HECW2: variants seen among roughly 807,000 people sequenced by gnomAD.
The protein encoded by HECW2 is HECT, C2 and WW domain containing E3 ubiquitin protein ligase 2.
A neutral mutation model predicts 175.2 loss-of-function variants in HECW2; 61 were observed. The ratio of observed to expected loss-of-function variants is 0.35; its 90% CI spans 0.28 to 0.43. HECW2 has a LOEUF of 0.43. HECW2 is among the 20% of genes least tolerant of loss of function. The pLI, the probability that HECW2 is intolerant of heterozygous loss-of-function variation, is 1.00. For synonymous variants in HECW2, 671 were observed against 731.0 expected, an observed-to-expected ratio of 0.92 and a Z score of 1.32; for missense variants, 1,524 against 2,000.5, an observed-to-expected ratio of 0.76 and a Z score of 4.54.
intron 1 of HECW2, among the ~76,000 whole-genome samples, chr2:196,564,280 T>C (rs1559177796): frequency 1.3e-5 from 2 of 152,256 alleles, no homozygotes; most frequent in East Asian, 1.9e-4. Context: ...TTAAGAGGCA[T>C]GACAATCAAA....
chr2:196,562,178 G>C (rs1690023979), intron 1 of HECW2, among the ~76,000 whole-genome samples: 1 of 152,138 alleles, frequency 6.6e-6, no homozygotes, highest in South Asian at 2.1e-4. Flanking sequence ...TGAATTGGTG[G>C]AATAAATGTC....
rs1686778316 is a variant in HECW2, at chr2:196,199,164, C to T, written c.*2113G>A. On this transcript the variant is annotated 3_prime_UTR_variant, in exon 29 of 29. Transcript: ENST00000644978. ...TTGGAGAATGCCAGCCCTGAAACAT[C>T]TTGTATACCATCAAATATGTGACTT... 6.6e-6 allele frequency: 1 copy of T among 152,396 alleles called. No individual in the cohort carries two copies. Among genetic ancestry groups the T allele is most frequent in the African/African-American group, 2.4e-5 (1 of 41,348 alleles). 9.4% of individuals were successfully genotyped at this position (152,396 alleles called of 1,614,324 possible).
In HECW2 at chr2:196,404,899, G is replaced by A. The variant is rs867313985; in HGVS notation, c.292+28233C>T. On this transcript the variant is annotated intron_variant, in intron 2 of 28. Coordinates refer to ENST00000644978, the MANE Select transcript of HECW2 (RefSeq NM_001348768.2). ...GAGTGCAGTGGTGCAATCTCGGCTC[G>A]CTGCAAGCTCTGCCTCCCAGGTTCA... Among the ~76,000 whole-genome samples the A allele has an allele frequency of 3.7e-4, 50 of 133,866 alleles. 1 individual carries two copies. Among genetic ancestry groups the A allele is most frequent in the Non-Finnish European group, 9.2e-5 (6 of 65,496 alleles). The allele number at this position is 133,866 out of a possible 152,430, so 87.8% of individuals were successfully genotyped here.
chr2:196,220,655 GA>G, intron 25 of HECW2, 139 bp downstream of exon 25: 1 of 887,716 alleles, frequency 1.1e-6, no homozygotes, highest in Non-Finnish European at 1.8e-6. Context: ...AAACATAAGG[GA>G]AAAAATACTG....
intron 1 of HECW2, among the ~76,000 whole-genome samples, chr2:196,448,851 AGGAACC>A (rs1262869870): frequency 2.0e-5 from 3 of 152,332 alleles, no homozygotes; most frequent in Admixed American, 2.0e-4. Flanking sequence ...CTCTGCTGCT[AGGAACC>A]CTTCCAGAGT....
intron 1 of HECW2, among the ~76,000 whole-genome samples, chr2:196,453,854 A>G (rs1696420803): frequency 6.6e-6 from 1 of 152,138 alleles, no homozygotes; most frequent in Non-Finnish European, 1.5e-5. Context: ...AACTTCAAAA[A>G]CAAAATTGTG....
intron 27 of HECW2, 83 bp from the exon 28 acceptor site, chr2:196,216,060 C>T: frequency 1.1e-6 from 1 of 909,578 alleles, no homozygotes; most frequent in Non-Finnish European, 1.8e-6. Flanking sequence ...ACGGGCAGAG[C>T]TCCTGAGGAA....
intron 18 of HECW2, among the ~76,000 whole-genome samples, chr2:196,255,099 A>T (rs1356961007): frequency 7.0e-6 from 1 of 143,312 alleles, no homozygotes; most frequent in East Asian, 2.1e-4. Context: ...CAGCCTCTTG[A>T]GTAGCTGGGA....
In HECW2 at chr2:196,484,360, T is replaced by C. The variant is rs143460958; in HGVS notation, c.-35-50902A>G. On this transcript the variant is annotated intron_variant, in intron 1 of 28. Coordinates refer to ENST00000644978, the MANE Select transcript of HECW2 (RefSeq NM_001348768.2). The stretch of plus-strand genomic sequence containing the variant: ...CCATATACTGCACACTCATTAAGTG[T>C]TCAAAACTTAAGGTTTTTCTTTAGA... 6.5e-3 allele frequency among the ~76,000 whole-genome samples: 988 copies of C among 152,318 alleles called. 8 individuals carry two copies. The highest frequency in any genetic ancestry group is 9.6e-3 in the Non-Finnish European group (656 of 68,026).
chr2:196,278,481 G>A (rs747780333), intron 15 of HECW2, 47 bp downstream of exon 15: 2 of 1,568,880 alleles, frequency 1.3e-6, no homozygotes, highest in East Asian at 4.6e-5. Context: ...TCACATACTA[G>A]AAGCTTCTAT....
chr2:196,568,303 G>A (rs1167199014), intron 1 of HECW2, among the ~76,000 whole-genome samples: 1 of 152,110 alleles, frequency 6.6e-6, no homozygotes, highest in Non-Finnish European at 1.5e-5. Context: ...AAGCATCTCA[G>A]ACAATGCAGC....
chr2:196,297,639 TAAA>T (rs1690869150), intron 13 of HECW2, among the ~76,000 whole-genome samples: 9 of 152,332 alleles, frequency 5.9e-5, no homozygotes, highest in Non-Finnish European at 8.8e-5. Context: ...ACATTACTGA[TAAA>T]TAAAGTCTTT....
intron 1 of HECW2, among the ~76,000 whole-genome samples, chr2:196,455,037 A>ATTT (rs758809824): frequency 5.9e-4 from 85 of 143,476 alleles, no homozygotes; most frequent in African/African-American, 2.1e-3. Context: ...CTTTTACTTA[A>ATTT]TTTTTTTTTT....
At chr2:196,225,204 C>A (rs1452531377) in intron 23 of HECW2, among the ~76,000 whole-genome samples, 1 of 152,156 alleles carries the variant, frequency 6.6e-6, no homozygotes, top group Non-Finnish European at 1.5e-5. Flanking sequence ...AGAAAAAGTT[C>A]TGTGAATGCT....
chr2:196,572,553 T>C (rs1043418007), intron 1 of HECW2, among the ~76,000 whole-genome samples: 2 of 152,224 alleles, frequency 1.3e-5, no homozygotes, highest in African/African-American at 2.4e-5. Context: ...TTAACATTAC[T>C]GAATTGTACA....
intron 2 of HECW2, among the ~76,000 whole-genome samples, chr2:196,407,025 T>C (rs1197215737): frequency 6.6e-6 from 1 of 152,212 alleles, no homozygotes; most frequent in East Asian, 1.9e-4. Context: ...GTTGTATTTA[T>C]TGCCATATCC....
chr2:196,483,170 A>T (rs1052817882), intron 1 of HECW2, among the ~76,000 whole-genome samples: 2 of 152,042 alleles, frequency 1.3e-5, no homozygotes, highest in Non-Finnish European at 2.9e-5. Context: ...TACTGACAAC[A>T]TAGACAACTT....
At chr2:196,317,433 T>C (rs781685299) in intron 9 of HECW2, 64 bp from the exon 10 acceptor site, 28 of 1,154,018 alleles carry the variant, frequency 2.4e-5, no homozygotes, top group Admixed American at 9.9e-5. Flanking sequence ...ACAGACTCTA[T>C]ACAAAAAACC....
At chr2:196,574,650 T>C (rs1393993996) in intron 1 of HECW2, among the ~76,000 whole-genome samples, 1 of 152,148 alleles carries the variant, frequency 6.6e-6, no homozygotes, top group African/African-American at 2.4e-5. Context: ...AAAATTCCAA[T>C]GGCATCCTTT....
Sources: allele counts gnomAD v4.1 joint callset (sites outside exome capture counted in the v4.1 genomes callset), GRCh38; gene constraint gnomAD v4.1.1; transcripts MANE v1.5; gene names NCBI Gene and HGNC (gene_info 2026-07-23, HGNC 2026-07-21).